The following HTR7 variants were observed in gnomAD, a reference collection of about 807,000 sequenced individuals.
HTR7 encodes 5-hydroxytryptamine receptor 7, also known as 5-HT-7.
In HTR7, 16 loss-of-function variants were observed where a neutral mutation model predicts 34.0. That is an observed-to-expected ratio of 0.47 (90% CI 0.32 to 0.71). The LOEUF is 0.71. HTR7 is among the 30% of genes least tolerant of loss of function. The pLI, the probability that HTR7 is intolerant of heterozygous loss-of-function variation, is 0.04. For synonymous variants in HTR7, 265 were observed against 260.2 expected (o/e 1.02, Z -0.18); for missense variants, 504 against 625.5 (o/e 0.81, Z 2.07).
intron 1 of HTR7, among the ~76,000 whole-genome samples, chr10:90,835,476 G>A (rs1328354961): frequency 6.6e-6 from 1 of 152,216 alleles, no homozygotes; most frequent in Non-Finnish European, 1.5e-5. Flanking sequence ...TGGGTCATCA[G>A]TGGTGCAGCT....
chr10:90,847,723 A>T (rs2120113191), intron 1 of HTR7, among the ~76,000 whole-genome samples: 1 of 152,334 alleles, frequency 6.6e-6, no homozygotes, highest in Non-Finnish European at 1.5e-5. Flanking sequence ...GTAACCATGA[A>T]CAACCCAAAG....
At chr10:90,850,864 T>C (rs551866278) in intron 1 of HTR7, among the ~76,000 whole-genome samples, 1 of 151,884 alleles carries the variant, frequency 6.6e-6, no homozygotes, top group Non-Finnish European at 1.5e-5. Context: ...AAATGGAAAA[T>C]ATAGAAAAGA....
At chr10:90,811,869 A>T (rs929026294) in intron 1 of HTR7, among the ~76,000 whole-genome samples, 6 of 150,788 alleles carry the variant, frequency 4.0e-5, no homozygotes, top group Non-Finnish European at 9.0e-5. Context: ...TCTGTCAGAC[A>T]TAATTCCTTA....
intron 1 of HTR7, among the ~76,000 whole-genome samples, chr10:90,831,429 G>A (rs889956002): frequency 6.6e-6 from 1 of 152,008 alleles, no homozygotes; most frequent in Non-Finnish European, 1.5e-5. Flanking sequence ...TCGTGGTCTC[G>A]GTGACTTCAG....
At chr10:90,845,794 C>T (rs994944099) in intron 1 of HTR7, among the ~76,000 whole-genome samples, 2 of 152,186 alleles carry the variant, frequency 1.3e-5, no homozygotes, top group Non-Finnish European at 2.9e-5. Context: ...AAGACCACCG[C>T]CTGCATGGGA....
At chr10:90,845,732 C>T (rs546226581) in intron 1 of HTR7, among the ~76,000 whole-genome samples, 27 of 152,196 alleles carry the variant, frequency 1.8e-4, no homozygotes, top group Middle Eastern at 3.2e-3. Flanking sequence ...CAGTGGTCAC[C>T]GCCCTGCATC....
chr10:90,842,345 A>G (rs1033596605), intron 1 of HTR7, among the ~76,000 whole-genome samples: 37 of 152,148 alleles, frequency 2.4e-4, no homozygotes, highest in African/African-American at 8.5e-4. Context: ...GAACTGTGAG[A>G]AACAAATTTC....
Position 90,742,387 on chromosome 10 carries a change from C to A in HTR7, c.*95G>T, listed in dbSNP as rs946310677. 2.2e-6 allele frequency: 2 copies of A among 905,866 alleles called. No individual in the cohort carries two copies. The highest frequency in any genetic ancestry group is 3.5e-6 in the Non-Finnish European group (2 of 567,622). 56.1% of individuals were successfully genotyped at this position (905,866 alleles called of 1,614,324 possible). ...ATGTTTTAGACATCCCAAGAAAGGA[C>A]AGAAGCTGCATTCCATTCTGCAGAC... is the stretch of plus-strand genomic sequence containing the variant. On this transcript the variant is annotated 3_prime_UTR_variant, in exon 4 of 4. Coordinates refer to ENST00000336152, the MANE Select transcript of HTR7 (RefSeq NM_019859.4).
intron 1 of HTR7, among the ~76,000 whole-genome samples, chr10:90,808,753 A>T (rs1027085796): frequency 3.3e-5 from 5 of 151,960 alleles, no homozygotes; most frequent in African/African-American, 1.2e-4. Context: ...TGTTCTCAAA[A>T]ACTTAAAACC....
intron 1 of HTR7, among the ~76,000 whole-genome samples, chr10:90,831,551 A>G (rs1403830218): frequency 6.6e-6 from 1 of 152,102 alleles, no homozygotes; most frequent in Non-Finnish European, 1.5e-5. Context: ...ATTGCTTCCA[A>G]ACTGTGGAAA....
rs150645581 is a variant in HTR7 at position 90,795,868 on chromosome 10, T to C, written c.540-46274A>G. ...GGGGTTGAGGGGTGTTTCCACGTCA[T>C]AGACAGATTTTAACATGTTCTGATT... On this transcript the variant is annotated intron_variant, in intron 1 of 3. Coordinates refer to ENST00000336152, the MANE Select transcript of HTR7 (RefSeq NM_019859.4). Among the ~76,000 whole-genome samples the C allele has an allele frequency of 4.9e-4, 75 of 152,298 alleles. 1 individual carries two copies. The East Asian group carries it at 0.01, about 21-fold the overall frequency.
intron 2 of HTR7, among the ~76,000 whole-genome samples, chr10:90,746,702 T>G (rs938690697): frequency 5.3e-5 from 8 of 152,204 alleles, no homozygotes; most frequent in African/African-American, 1.9e-4. Context: ...TAACACTCAC[T>G]TCACAGCCCT....
At chr10:90,856,985 G>T in intron 1 of HTR7, 148 bp downstream of exon 1, 1 of 697,804 alleles carries the variant, frequency 1.4e-6, no homozygotes, top group Non-Finnish European at 2.4e-6. Flanking sequence ...GGTTGGTGTA[G>T]GGTGGATTGG....
chr10:90,857,624 G>C lies in HTR7; in HGVS notation c.48C>G (p.Leu16=). 6.3e-7 allele frequency: 1 copy of C among 1,598,816 alleles called. No individual in the cohort carries two copies. Among genetic ancestry groups the C allele is most frequent in the South Asian group, 1.1e-5 (1 of 89,296 alleles). Residue 16 remains leucine (L), a synonymous_variant, in exon 1 of 4, where the codon CTC becomes CTG. Coordinates refer to ENST00000336152, the MANE Select transcript of HTR7 (RefSeq NM_019859.4). The surrounding 1 kb of genome is among the most constrained non-coding windows in gnomAD (Gnocchi z 6.5). ...CCACTTCTGGCAGAAGGAAAGAGCG[G>C]AGGTGCCCGTAGAGGTCCGGGCGGC... The part of the protein sequence containing the change: ...SSGRPDLYGH[L]RSFLLPEVGR...
chr10:90,851,286 T>C (rs573284222), intron 1 of HTR7, among the ~76,000 whole-genome samples: 1 of 152,172 alleles, frequency 6.6e-6, no homozygotes, highest in East Asian at 1.9e-4. Context: ...AATATAAAAT[T>C]CCATACTCAG....
At chr10:90,757,955 GAT>G (rs1433549600) in intron 1 of HTR7, among the ~76,000 whole-genome samples, 4 of 152,132 alleles carry the variant, frequency 2.6e-5, no homozygotes, top group Admixed American at 2.6e-4. Context: ...AGCAGAATGA[GAT>G]AAAAAGAGAC....
intron 1 of HTR7, among the ~76,000 whole-genome samples, chr10:90,760,867 T>A (rs1478976759): frequency 6.6e-6 from 1 of 152,018 alleles, no homozygotes; most frequent in Non-Finnish European, 1.5e-5. Flanking sequence ...CGCAACAGAG[T>A]GAGACTCTGT....
intron 1 of HTR7, among the ~76,000 whole-genome samples, chr10:90,794,746 T>G (rs1352281168): frequency 6.6e-6 from 1 of 152,158 alleles, no homozygotes; most frequent in African/African-American, 2.4e-5. Flanking sequence ...CAAGCAATCC[T>G]CCTACCTCAG....
chr10:90,798,190 T>G (rs1372867155), intron 1 of HTR7, among the ~76,000 whole-genome samples: 1 of 152,228 alleles, frequency 6.6e-6, no homozygotes, highest in Non-Finnish European at 1.5e-5. Flanking sequence ...TTATCTCCAC[T>G]TCTTCTCAAG....
Sources: gnomAD v4.1 joint callset for allele counts (sites outside exome capture counted in the v4.1 genomes callset) on GRCh38, gnomAD v4.1.1 for gene constraint, Gnocchi (gnomAD v3.1) non-coding constraint, MANE v1.5 for transcripts, NCBI Gene and HGNC (gene_info 2026-07-23, HGNC 2026-07-21) for gene names.